Variants in FST observed in about 807,000 individuals in gnomAD.
The protein encoded by FST is follistatin.
In FST, 6 loss-of-function variants were observed where a neutral mutation model predicts 38.4. That is an observed-to-expected ratio of 0.16 (90% CI 0.09 to 0.31). The LOEUF (loss-of-function observed/expected upper bound fraction) is 0.31, where lower values mean the gene tolerates loss of function less well. FST is among the 10% of genes least tolerant of loss of function. FST has a pLI of 1.00. For missense variants in FST, 301 were observed against 432.3 expected (o/e 0.70, Z 2.69); for synonymous variants, 157 against 169.8 (o/e 0.92, Z 0.59).
intron 5 of FST, chr5:53,485,546 GTTT>G (rs5867881): frequency 0.059 from 37,179 of 629,562 alleles, 1,021 homozygotes; most frequent in African/African-American, 0.21. Context: ...TGCTTCAAAA[GTTT>G]TTTTTTTTTT....
At position 53,486,072 on chromosome 5, in the gene FST, CAAAAAAAA is replaced by C. The variant is rs3083659; in HGVS notation, c.*53_*60del. The C allele has an allele frequency of 3.6e-3, 957 of 265,482 alleles. No individual in the cohort carries two copies. The highest frequency in any genetic ancestry group is 4.8e-3 in the South Asian group (53 of 10,980). 16.4% of individuals were successfully genotyped at this position (265,482 alleles called of 1,614,324 possible). The stretch of plus-strand genomic sequence containing the variant: ...GTTCAGTGTTGACATAGCCTTTGTG[CAAAAAAAA>C]AAAAAAAAAAAAAGAAAAAGAAAAA... On this transcript the variant is annotated 3_prime_UTR_variant, in exon 6 of 6. Coordinates refer to ENST00000256759, the MANE Select transcript of FST (RefSeq NM_013409.3).
In FST at chr5:53,483,254, C is replaced by G. The variant is rs1352112988; in HGVS notation, c.277+183C>G. Among the ~76,000 whole-genome samples, 1 of 152,210 alleles carries G rather than the reference C, an allele frequency of 6.6e-6. No homozygotes were observed. Among genetic ancestry groups the G allele is most frequent in the South Asian group, 2.1e-4 (1 of 4,828 alleles). On this transcript the variant is annotated intron_variant, in intron 2 of 5. Coordinates refer to ENST00000256759, the MANE Select transcript of FST (RefSeq NM_013409.3). The surrounding 1 kb of genome is among the most constrained non-coding windows in gnomAD (Gnocchi z 4.1). ...CCTGTTACAGGCTGTAGGGAATACA[C>G]GCCAGACTTCTTAGCCAAGTGTGGT... is the stretch of plus-strand genomic sequence containing the variant.
chr5:53,482,253 CTCTT>C lies in FST; in HGVS notation c.86-618_86-615del, dbSNP rs531934429. ...CTCTTTCTTTTCTTTCTTCCTCTCT[CTCTT>C]TCTTTCTTCCTTTTTTTCTTTCTTT... On this transcript the variant is annotated intron_variant, in intron 1 of 5. Transcript: ENST00000256759. 2.8e-3 allele frequency among the ~76,000 whole-genome samples: 433 copies of C among 152,148 alleles called. 10 individuals are homozygous for C. The South Asian group carries it at 0.037, about 13-fold the overall frequency.
intron 1 of FST, among the ~76,000 whole-genome samples, chr5:53,481,548 C>T (rs2112329978): frequency 6.9e-6 from 1 of 145,606 alleles, no homozygotes; most frequent in South Asian, 2.3e-4. Flanking sequence ...CTGCCTCATT[C>T]TTCTTTCTGA....
intron 5 of FST, 49 bp downstream of exon 5, chr5:53,485,276 T>C (rs1387499811): frequency 2.0e-6 from 2 of 995,116 alleles, no homozygotes; most frequent in Non-Finnish European, 3.2e-6. Flanking sequence ...TCCCAGGCAA[T>C]CCCTAGGGAA....
chr5:53,482,619 C>T (rs1193906481), intron 1 of FST: 1 of 443,902 alleles, frequency 2.3e-6, no homozygotes, highest in Non-Finnish European at 4.0e-6. Context: ...GGCGCCCTGT[C>T]TTCTCCCTCT....
chr5:53,483,305 T>G lies in FST; in HGVS notation c.278-199T>G, dbSNP rs1265886720. The stretch of plus-strand genomic sequence containing the variant: ...GGTGAAACCCACCAACCTGTGCTCC[T>G]TAATGAGAGAGATCTGGGTGTGGGG... On this transcript the variant is annotated intron_variant, in intron 2 of 5. Transcript: ENST00000256759. The surrounding 1 kb of genome is among the most constrained non-coding windows in gnomAD (Gnocchi z 4.1). 6.6e-6 allele frequency among the ~76,000 whole-genome samples: 1 copy of G among 152,216 alleles called. No homozygotes were observed. Among genetic ancestry groups the G allele is most frequent in the Non-Finnish European group, 1.5e-5 (1 of 68,034 alleles).
chr5:53,485,255 A>G lies in FST; in HGVS notation c.952+28A>G, dbSNP rs774928107. On this transcript the variant is annotated intron_variant, in intron 5 of 5. Coordinates refer to ENST00000256759, the MANE Select transcript of FST (RefSeq NM_013409.3). ...AAGTGCGATTTTTAACCTTGCTGCC[A>G]TTTAAGGCTTTCCCAGGCAATCCCT... 5.6e-6 allele frequency: 7 copies of G among 1,241,012 alleles called. No homozygotes were observed. The East Asian group carries it at 1.4e-4, about 25-fold the overall frequency. The allele number at this position is 1,241,012 out of a possible 1,614,324, so 76.9% of individuals were successfully genotyped here.
At position 53,483,340 on chromosome 5, in the gene FST, A is replaced by G. The variant is rs1010757050; in HGVS notation, c.278-164A>G. 3.9e-5 allele frequency among the ~76,000 whole-genome samples: 6 copies of G among 152,180 alleles called. No individual in the cohort carries two copies. Among genetic ancestry groups the G allele is most frequent in the African/African-American group, 1.4e-4 (6 of 41,450 alleles). Reference sequence around the variant, plus strand: ...AGATCTGGGTGTGGGGCACAGCCCAAGGTCCACACTCTTTCACCAACTCCC... The same window carrying G: ...AGATCTGGGTGTGGGGCACAGCCCAGGGTCCACACTCTTTCACCAACTCCC... On this transcript the variant is annotated intron_variant, in intron 2 of 5. Transcript: ENST00000256759. The surrounding 1 kb of genome is among the most constrained non-coding windows in gnomAD (Gnocchi z 4.1).
chr5:53,484,624 G>T (rs888288520), intron 4 of FST, among the ~76,000 whole-genome samples: 10 of 152,186 alleles, frequency 6.6e-5, no homozygotes, highest in Non-Finnish European at 8.8e-5. Context: ...GAAATCTGTT[G>T]TCAGATTCTA....
chr5:53,483,008 G>A lies in FST; in HGVS notation c.214G>A (p.Asp72Asn). 1 of 1,614,026 alleles carries A rather than the reference G, an allele frequency of 6.2e-7. No homozygotes were observed. Among genetic ancestry groups the A allele is most frequent in the Non-Finnish European group, 8.5e-7 (1 of 1,179,884 alleles). ...CTCGTGGACCGAGGAGGACGTGAAT[G>A]ACAACACACTCTTCAAGTGGATGAT... ...STSWTEEDVN[D>N]NTLFKWMIFN... Residue 72 changes from aspartate (D) to asparagine (N), a missense_variant, in exon 2 of 6, where the codon GAC becomes AAC. Physicochemically the swap from Asp to Asn is conservative, Grantham distance 23 (BLOSUM62 1). Transcript: ENST00000256759. This position sits in a 1 kb window ranked among gnomAD's most constrained non-coding sequence, Gnocchi z 4.1.
At chr5:53,484,888 T>A in intron 4 of FST, 109 bp from the exon 5 acceptor site, 1 of 626,294 alleles carries the variant, frequency 1.6e-6, no homozygotes, top group Non-Finnish European at 2.9e-6. Flanking sequence ...TACTATTATG[T>A]TTATATAAAA....
rs1409263637 is a variant in FST, at chr5:53,483,050, C to G, written c.256C>G (p.Pro86Ala). ...GTGGATGATTTTCAACGGGGGCGCCCCCAACTGCATCCCCTGTAAAGGTAG... is the reference window on the plus strand; with the variant it reads ...GTGGATGATTTTCAACGGGGGCGCCGCCAACTGCATCCCCTGTAAAGGTAG... The part of the protein sequence containing the change: ...FKWMIFNGGA[P>A]NCIPCKETCE... Residue 86 changes from proline (P) to alanine (A), a missense_variant, in exon 2 of 6, where the codon CCC becomes GCC. By Grantham distance (27) the Pro-to-Ala change is conservative. Coordinates refer to ENST00000256759, the MANE Select transcript of FST (RefSeq NM_013409.3). The surrounding 1 kb of genome is among the most constrained non-coding windows in gnomAD (Gnocchi z 4.1). The G allele has an allele frequency of 6.2e-7, 1 of 1,612,994 alleles. No individual in the cohort carries two copies. Among genetic ancestry groups the G allele is most frequent in the Non-Finnish European group, 8.5e-7 (1 of 1,179,152 alleles).
In FST at chr5:53,483,216, G is replaced by C. The variant is rs140106390; in HGVS notation, c.277+145G>C. 1.5e-3 allele frequency: 968 copies of C among 652,918 alleles called. 8 individuals carry two copies. The African/African-American group carries it at 0.016, about 11-fold the overall frequency. The allele number at this position is 652,918 out of a possible 1,614,324, so 40.4% of individuals were successfully genotyped here. A position where few individuals can be genotyped will look rare whatever the true frequency, so the allele number is the denominator to read the frequency against. On this transcript the variant is annotated intron_variant, in intron 2 of 5. Transcript: ENST00000256759. The surrounding 1 kb of genome is among the most constrained non-coding windows in gnomAD (Gnocchi z 4.1). ...GTCCCTTGCCCTGGTAAGCCGTGCAGACTCTAATTCTGCCTGTTACAGGCT... is the reference window on the plus strand; with the variant it reads ...GTCCCTTGCCCTGGTAAGCCGTGCACACTCTAATTCTGCCTGTTACAGGCT...
chr5:53,480,821 G>A lies in FST; in HGVS notation c.30G>A (p.Gly10=), dbSNP rs1190042869. 4.6e-6 allele frequency: 7 copies of A among 1,529,664 alleles called. No individual in the cohort carries two copies. The highest frequency in any genetic ancestry group is 6.2e-6 in the Non-Finnish European group (7 of 1,136,278). 94.8% of individuals were successfully genotyped at this position (1,529,664 alleles called of 1,614,324 possible). Residue 10 remains glycine, a synonymous_variant, in exon 1 of 6, where the codon GGG becomes GGA. Transcript: ENST00000256759. MVRARHQPG[G]LCLLLLLLCQ... is the part of the protein sequence containing the mutation. ...TCCGCGCGAGGCACCAGCCGGGTGG[G>A]CTTTGCCTCCTGCTGCTGCTGCTCT...
chr5:53,484,358 G>C, intron 4 of FST, 65 bp downstream of exon 4: 1 of 1,527,856 alleles, frequency 6.5e-7, no homozygotes, highest in Non-Finnish European at 8.9e-7. Flanking sequence ...AAACTGTGGG[G>C]TTAACTAATA....
Position 53,483,435 on chromosome 5 carries a change from G to A in FST, c.278-69G>A. On this transcript the variant is annotated intron_variant, in intron 2 of 5. Transcript: ENST00000256759. The surrounding 1 kb of genome is among the most constrained non-coding windows in gnomAD (Gnocchi z 4.1). ...GGCTGCATGATTGCGCAAGGCACCCGAAGCCCTCCTGGCTGACCTGCAGAC... is the reference window on the plus strand; with the variant it reads ...GGCTGCATGATTGCGCAAGGCACCCAAAGCCCTCCTGGCTGACCTGCAGAC... The A allele has an allele frequency of 3.1e-6, 4 of 1,273,172 alleles. No individual in the cohort carries two copies. Among genetic ancestry groups the A allele is most frequent in the Non-Finnish European group, 3.4e-6 (3 of 882,928 alleles). 78.9% of individuals were successfully genotyped at this position (1,273,172 alleles called of 1,614,324 possible).
chr5:53,481,326 C>G (rs1033240659), intron 1 of FST, among the ~76,000 whole-genome samples: 2 of 150,922 alleles, frequency 1.3e-5, no homozygotes, highest in African/African-American at 4.9e-5. Context: ...GGGAGAGATA[C>G]TGAATTTTAT....
chr5:53,482,710 C>G (rs944178406), intron 1 of FST, 170 bp from the exon 2 acceptor site: 1 of 570,596 alleles, frequency 1.8e-6, no homozygotes, highest in African/African-American at 1.9e-5. Flanking sequence ...CACCCCTCCA[C>G]CCCTTTCGAT....
Sources: gnomAD v4.1 joint callset for allele counts (sites outside exome capture counted in the v4.1 genomes callset) on GRCh38, gnomAD v4.1.1 for gene constraint, Gnocchi (gnomAD v3.1) non-coding constraint, MANE v1.5 for transcripts, NCBI Gene and HGNC (gene_info 2026-07-23, HGNC 2026-07-21) for gene names.